RABGAP1L: variants seen among roughly 807,000 people sequenced by gnomAD.
The protein encoded by RABGAP1L is rab GTPase-activating protein 1-like.
A neutral mutation model predicts 137.7 loss-of-function variants in RABGAP1L; 63 were observed. The ratio of observed to expected loss-of-function variants is 0.46; its 90% CI spans 0.37 to 0.56. RABGAP1L has a LOEUF of 0.56. RABGAP1L is among the 20% of genes least tolerant of loss of function. The pLI, the probability that RABGAP1L is intolerant of heterozygous loss-of-function variation, is 0.00. For synonymous variants in RABGAP1L, 431 were observed against 433.7 expected (o/e 0.99, Z 0.08); for missense variants, 1,095 against 1,244.0 (o/e 0.88, Z 1.80).
intron 10 of RABGAP1L, among the ~76,000 whole-genome samples, chr1:174,279,416 T>C (rs570288364): frequency 1.3e-5 from 2 of 152,286 alleles, no homozygotes; most frequent in East Asian, 3.9e-4. Flanking sequence ...AAATGCTCTA[T>C]TAGAATAATG....
chr1:174,347,497 G>C (rs61828633), intron 11 of RABGAP1L, among the ~76,000 whole-genome samples: 5 of 105,214 alleles, frequency 4.8e-5, no homozygotes, highest in Non-Finnish European at 4.0e-5. Flanking sequence ...GTGTGTGTGT[G>C]TGTTTTTTTC....
intron 13 of RABGAP1L, among the ~76,000 whole-genome samples, chr1:174,635,906 G>C (rs1446335607): frequency 2.0e-5 from 3 of 152,116 alleles, no homozygotes; most frequent in Admixed American, 6.5e-5. Flanking sequence ...AAGAAAAATG[G>C]CATTCATTAA....
intron 13 of RABGAP1L, among the ~76,000 whole-genome samples, chr1:174,529,058 G>GT (rs140569679): frequency 0.12 from 17,682 of 147,958 alleles, 3,560 homozygotes; most frequent in African/African-American, 0.41. Flanking sequence ...ATTATCTTTT[G>GT]TTTTTTGTTT....
At chr1:174,391,583 C>T (rs1392281753) in intron 12 of RABGAP1L, among the ~76,000 whole-genome samples, 12 of 152,180 alleles carry the variant, frequency 7.9e-5, no homozygotes, top group Non-Finnish European at 2.9e-5. Flanking sequence ...CTCAAACGAT[C>T]CGCCTGCTTT....
intron 12 of RABGAP1L, among the ~76,000 whole-genome samples, chr1:174,372,895 G>A (rs777136359): frequency 2.6e-5 from 4 of 152,148 alleles, no homozygotes; most frequent in Non-Finnish European, 5.9e-5. Context: ...TATATGTTGA[G>A]AGTTGTAAAC....
intron 11 of RABGAP1L, chr1:174,365,200 A>G (rs1387874029): frequency 2.0e-5 from 3 of 152,430 alleles, no homozygotes; most frequent in Admixed American, 6.5e-5. Context: ...CAAAGTGCTC[A>G]TTCAAAGCCA....
chr1:174,198,169 A>G (rs1195787316), intron 1 of RABGAP1L, among the ~76,000 whole-genome samples: 1 of 152,200 alleles, frequency 6.6e-6, no homozygotes, highest in East Asian at 1.9e-4. Flanking sequence ...ATCACTGACT[A>G]TAAAAGTGAT....
At chr1:174,331,823 C>T (rs562648510) in intron 11 of RABGAP1L, among the ~76,000 whole-genome samples, 1 of 132,864 alleles carries the variant, frequency 7.5e-6, no homozygotes, top group Admixed American at 7.7e-5. Flanking sequence ...GCTATCCCTC[C>T]CCCTCCCCCC....
intron 13 of RABGAP1L, among the ~76,000 whole-genome samples, chr1:174,580,921 A>G (rs1668700370): frequency 6.6e-6 from 1 of 152,204 alleles, no homozygotes; most frequent in African/African-American, 2.4e-5. Context: ...CAGCTAGCAC[A>G]TGAAAAGATG....
intron 13 of RABGAP1L, among the ~76,000 whole-genome samples, chr1:174,516,570 C>T (rs1377759944): frequency 6.6e-6 from 1 of 151,972 alleles, no homozygotes; most frequent in Admixed American, 6.6e-5. Flanking sequence ...ATGACTATTA[C>T]TTGAATATAA....
At chr1:174,697,849 G>C (rs1187336885) in intron 15 of RABGAP1L, among the ~76,000 whole-genome samples, 1 of 152,182 alleles carries the variant, frequency 6.6e-6, no homozygotes, top group East Asian at 1.9e-4. Context: ...GCTGAGGTCA[G>C]TGGCCAGAAA....
At chr1:174,681,456 G>A (rs1182957785) in intron 14 of RABGAP1L, among the ~76,000 whole-genome samples, 5 of 152,144 alleles carry the variant, frequency 3.3e-5, no homozygotes, top group East Asian at 3.8e-4. Context: ...AAAAGACTAC[G>A]TATTATATGA....
At chr1:174,192,356 C>T (rs1042297888) in intron 1 of RABGAP1L, among the ~76,000 whole-genome samples, 3 of 143,064 alleles carry the variant, frequency 2.1e-5, no homozygotes, top group Admixed American at 1.4e-4. Context: ...GAGTCTGTCA[C>T]TCTGTTGCCC....
intron 21 of RABGAP1L, among the ~76,000 whole-genome samples, chr1:174,974,492 A>G (rs1463816323): frequency 6.6e-6 from 1 of 152,128 alleles, no homozygotes; most frequent in Non-Finnish European, 1.5e-5. Context: ...CATGATGTAC[A>G]TCAGGTGACT....
chr1:174,284,263 C>T (rs1675854866), intron 10 of RABGAP1L, among the ~76,000 whole-genome samples: 1 of 152,152 alleles, frequency 6.6e-6, no homozygotes, highest in African/African-American at 2.4e-5. Context: ...CCCCAAACCC[C>T]ATCTCCTGGC....
At chr1:174,384,566 T>G (rs1686578162) in intron 12 of RABGAP1L, among the ~76,000 whole-genome samples, 1 of 152,162 alleles carries the variant, frequency 6.6e-6, no homozygotes, top group South Asian at 2.1e-4. Context: ...CATAGATGGC[T>G]ATTTGAAGTG....
At chr1:174,389,329 CAT>C (rs1186492509) in intron 12 of RABGAP1L, among the ~76,000 whole-genome samples, 2 of 151,430 alleles carry the variant, frequency 1.3e-5, no homozygotes, top group African/African-American at 4.9e-5. Flanking sequence ...CTGCTGGTGT[CAT>C]ATTCTCATAT....
At chr1:174,255,917 C>A (rs1002812910) in intron 7 of RABGAP1L, among the ~76,000 whole-genome samples, 2 of 152,186 alleles carry the variant, frequency 1.3e-5, no homozygotes, top group Non-Finnish European at 2.9e-5. Flanking sequence ...CATCGTGGCC[C>A]TTTCCTCCAA....
At chr1:174,391,039 A>G (rs890532233) in intron 12 of RABGAP1L, among the ~76,000 whole-genome samples, 4 of 152,194 alleles carry the variant, frequency 2.6e-5, no homozygotes, top group Non-Finnish European at 5.9e-5. Flanking sequence ...GTGAAGGTGG[A>G]TAAAGAAGTA....
Sources: allele counts gnomAD v4.1 joint callset (sites outside exome capture counted in the v4.1 genomes callset), GRCh38; gene constraint gnomAD v4.1.1; transcripts MANE v1.5; gene names NCBI Gene and HGNC (gene_info 2026-07-23, HGNC 2026-07-21).